The following TAMALIN variants were observed in gnomAD, a reference collection of about 807,000 sequenced individuals.
The protein encoded by TAMALIN is protein TAMALIN.
Under a neutral mutation model 38.5 loss-of-function variants are expected in TAMALIN, and 9 were observed. That is an observed-to-expected ratio of 0.23 (90% CI 0.14 to 0.41). The LOEUF is 0.41. Among genes scored for constraint, TAMALIN ranks in the 10% least tolerant of loss-of-function variants. TAMALIN has a pLI of 1.00. For missense variants in TAMALIN, 548 were observed against 554.1 expected, an observed-to-expected ratio of 0.99 and a Z score of 0.11; for synonymous variants, 306 against 256.5, an observed-to-expected ratio of 1.19 and a Z score of -1.85.
chr12:52,013,763 G>C lies in TAMALIN; in HGVS notation c.531G>C (p.Ala177=). Residue 177 remains alanine (A), a synonymous_variant, in exon 5 of 8, where the codon GCG becomes GCC. Coordinates refer to ENST00000293662, the MANE Select transcript of TAMALIN (RefSeq NM_181711.4). The part of the protein sequence containing the change: ...RHREIVDIIK[A]SGNVLRLETL... Reference sequence around the variant, plus strand: ...GAGAGATTGTGGACATCATTAAGGCGTCAGGCAATGTTCTCAGGTATGTCT... The same window carrying C: ...GAGAGATTGTGGACATCATTAAGGCCTCAGGCAATGTTCTCAGGTATGTCT... The C allele has an allele frequency of 6.2e-7, 1 of 1,614,116 alleles. No homozygotes were observed. The highest frequency in any genetic ancestry group is 8.5e-7 in the Non-Finnish European group (1 of 1,179,990).
rs751938031 is a variant in TAMALIN, at chr12:52,015,238, G to A, written c.*39G>A. On this transcript the variant is annotated 3_prime_UTR_variant, in exon 8 of 8. Transcript: ENST00000293662. ...CAGGGAGGTATTTATTTATTTATTC[G>A]CAACAGCCAGCGCTAAAAGAGGGGG... 1 of 1,544,588 alleles carries A rather than the reference G, an allele frequency of 6.5e-7. No individual in the cohort carries two copies. Among genetic ancestry groups the A allele is most frequent in the Admixed American group, 1.9e-5 (1 of 54,000 alleles).
rs1942428065 is a variant in TAMALIN at position 52,007,274 on chromosome 12, C to G, written c.246+9C>G. The G allele has an allele frequency of 7.1e-7, 1 of 1,400,444 alleles. No individual in the cohort carries two copies. Among genetic ancestry groups the G allele is most frequent in the Non-Finnish European group, 9.3e-7 (1 of 1,080,524 alleles). 86.8% of individuals were successfully genotyped at this position (1,400,444 alleles called of 1,614,324 possible). ...CCCTGCCCCGCCGAAAGGTGCGTCC[C>G]CCGCCCGCCTTCAGGATCTGCTCAG... On this transcript the variant is annotated intron_variant, in intron 1 of 7. Transcript: ENST00000293662. This position sits in a 1 kb window ranked among gnomAD's most constrained non-coding sequence, Gnocchi z 6.7.
chr12:52,012,618 T>A (rs576027791), intron 4 of TAMALIN, among the ~76,000 whole-genome samples: 7 of 152,230 alleles, frequency 4.6e-5, no homozygotes, highest in Non-Finnish European at 7.3e-5. Context: ...AGCCTCAACA[T>A]GAGTTTTGGG....
At position 52,007,975 on chromosome 12, in the gene TAMALIN, C is replaced by A; in HGVS notation, c.246+710C>A. On this transcript the variant is annotated intron_variant, in intron 1 of 7. Coordinates refer to ENST00000293662, the MANE Select transcript of TAMALIN (RefSeq NM_181711.4). This position sits in a 1 kb window ranked among gnomAD's most constrained non-coding sequence, Gnocchi z 6.7. ...GCCCCAGGAGACCTGAGGCTCAGAA[C>A]CTACACAACACCAGGTTAAGAAGAG... 1 of 985,474 alleles carries A rather than the reference C, an allele frequency of 1.0e-6. No individual in the cohort carries two copies. Among genetic ancestry groups the A allele is most frequent in the South Asian group, 4.7e-5 (1 of 21,292 alleles). The allele number at this position is 985,474 out of a possible 1,614,324, so 61.0% of individuals were successfully genotyped here.
Position 52,006,955 on chromosome 12 carries a change from C to G in TAMALIN, c.-65C>G, listed in dbSNP as rs1942420391. 2 of 1,305,318 alleles carry G rather than the reference C, an allele frequency of 1.5e-6. No homozygotes were observed. The highest frequency in any genetic ancestry group is 4.4e-5 in the South Asian group (2 of 45,908). 80.9% of individuals were successfully genotyped at this position (1,305,318 alleles called of 1,614,324 possible). On this transcript the variant is annotated 5_prime_UTR_variant, in exon 1 of 8. Coordinates refer to ENST00000293662, the MANE Select transcript of TAMALIN (RefSeq NM_181711.4). Reference sequence around the variant, plus strand: ...CGCGGCCCGCCCGGCTGGCATCCCCCAGCCGCCGCCAGCCCCGCCGAGGGG... The same window carrying G: ...CGCGGCCCGCCCGGCTGGCATCCCCGAGCCGCCGCCAGCCCCGCCGAGGGG...
Position 52,011,152 on chromosome 12 carries a change from A to G in TAMALIN, c.454+11A>G. ...CTGGGCTCACACCAGGTGGGGCCTG[A>G]GCCCAGGACACCCAGGTCTGGGAAG... On this transcript the variant is annotated intron_variant, in intron 4 of 7. Transcript: ENST00000293662. This position sits in a 1 kb window ranked among gnomAD's most constrained non-coding sequence, Gnocchi z 5.3. The G allele has an allele frequency of 6.2e-7, 1 of 1,610,470 alleles. No individual in the cohort carries two copies. The highest frequency in any genetic ancestry group is 8.5e-7 in the Non-Finnish European group (1 of 1,179,980).
At chr12:52,014,599 G>C (rs1221078127) in intron 7 of TAMALIN, 95 bp from the exon 8 acceptor site, 9 of 922,362 alleles carry the variant, frequency 9.8e-6, no homozygotes, top group Non-Finnish European at 1.4e-5. Flanking sequence ...TCAGCAGGAC[G>C]GAGCGGGGAC....
rs749023120 is a variant in TAMALIN at position 52,015,145 on chromosome 12, C to A, written c.1134C>A (p.Leu378=). Residue 378 remains leucine (L), a synonymous_variant, in exon 8 of 8, where the codon CTC becomes CTA. Transcript: ENST00000293662. ...ACCGCAGCTTCCGCCGGCGGCTGCTCAAGTTCATCCCCGGACTCAACCGCT... is the reference window on the plus strand; with the variant it reads ...ACCGCAGCTTCCGCCGGCGGCTGCTAAAGTTCATCCCCGGACTCAACCGCT... ...TKYRSFRRRL[L]KFIPGLNRSL... is the part of the protein sequence containing the mutation. 18 of 1,594,418 alleles carry A rather than the reference C, an allele frequency of 1.1e-5. No individual in the cohort carries two copies. In the Admixed American group the frequency reaches 2.2e-4, roughly 19 times the overall value.
rs1937634720 is a variant in TAMALIN, at chr12:52,011,121, A to G, written c.434A>G (p.Gln145Arg). The change falls in exon 4 of 8, where the codon CAG (glutamine) becomes CGG (arginine). Residue 145 changes from glutamine to arginine, a missense_variant. This residue lies in a region of TAMALIN where 415 missense variants were observed against 417.0 expected (regional missense o/e 1.00). Coordinates refer to ENST00000293662, the MANE Select transcript of TAMALIN (RefSeq NM_181711.4). This position sits in a 1 kb window ranked among gnomAD's most constrained non-coding sequence, Gnocchi z 5.3. ...VCRVHESSPA[Q>R]LAGLTPGDTI... The stretch of plus-strand genomic sequence containing the variant: ...CGAGTTCATGAGTCTAGCCCTGCCC[A>G]GCTGGCTGGGCTCACACCAGGTGGG... The G allele has an allele frequency of 1.2e-6, 2 of 1,612,264 alleles. No individual in the cohort carries two copies. Among genetic ancestry groups the G allele is most frequent in the East Asian group, 4.5e-5 (2 of 44,880 alleles).
rs565772368 is a variant in TAMALIN, at chr12:52,014,573, A to G, written c.683-121A>G. ...TAGGGTCTCAGGTTTGTGCCTGGCCAGGGCCACAGAGATGGTCAGCAGGAC... is the reference window on the plus strand; with the variant it reads ...TAGGGTCTCAGGTTTGTGCCTGGCCGGGGCCACAGAGATGGTCAGCAGGAC... On this transcript the variant is annotated intron_variant, in intron 7 of 7. Coordinates refer to ENST00000293662, the MANE Select transcript of TAMALIN (RefSeq NM_181711.4). The G allele has an allele frequency of 1.3e-4, 98 of 746,384 alleles. 1 individual carries two copies. In the African/African-American group the frequency reaches 1.6e-3, roughly 12 times the overall value. The allele number at this position is 746,384 out of a possible 1,614,324, so 46.2% of individuals were successfully genotyped here.
chr12:52,008,597 C>G, intron 1 of TAMALIN: 1 of 985,426 alleles, frequency 1.0e-6, no homozygotes. Context: ...CTTGAAACGG[C>G]CTGTACCTTA....
intron 4 of TAMALIN, among the ~76,000 whole-genome samples, chr12:52,012,542 C>T (rs150208816): frequency 4.6e-5 from 7 of 152,318 alleles, no homozygotes; most frequent in African/African-American, 1.2e-4. Flanking sequence ...GTGTGAGCCA[C>T]GGCGCTCGGC....
chr12:52,009,239 G>C lies in TAMALIN; in HGVS notation c.296G>C (p.Arg99Pro). 1 of 1,613,860 alleles carries C rather than the reference G, an allele frequency of 6.2e-7. No homozygotes were observed. The highest frequency in any genetic ancestry group is 8.5e-7 in the Non-Finnish European group (1 of 1,179,920). The change falls in exon 2 of 8, where the codon CGG becomes CCG. Residue 99 changes from arginine (R) to proline (P), a missense_variant and splice_region_variant. Coordinates refer to ENST00000293662, the MANE Select transcript of TAMALIN (RefSeq NM_181711.4). ...KNLSQSPEQQRKVLTLEKEDN... is the reference protein window; with the variant it reads ...KNLSQSPEQQPKVLTLEKEDN... ...CTCAGCCAGAGTCCTGAACAGCAGC[G>C]GTGAGTCACCAACACCCAGCCCCTG...
intron 6 of TAMALIN, 61 bp downstream of exon 6, chr12:52,014,004 G>A (rs1320538202): frequency 6.3e-7 from 1 of 1,579,348 alleles, no homozygotes; most frequent in Non-Finnish European, 8.7e-7. Flanking sequence ...CTGCCCTGTG[G>A]GGGGTCACTT....
chr12:52,010,772 G>C, intron 2 of TAMALIN, 109 bp from the exon 3 acceptor site: 1 of 1,188,040 alleles, frequency 8.4e-7, no homozygotes, highest in Non-Finnish European at 1.3e-6. Context: ...ACTGGAGACA[G>C]AGTCCTGCTG....
chr12:52,010,985 G>A (rs763312702), intron 3 of TAMALIN, 50 bp downstream of exon 3: 2 of 1,613,916 alleles, frequency 1.2e-6, no homozygotes, highest in Non-Finnish European at 1.7e-6. Flanking sequence ...ACCAGCCTGA[G>A]GGATGAACGG....
chr12:52,007,387 G>T lies in TAMALIN; in HGVS notation c.246+122G>T. On this transcript the variant is annotated intron_variant, in intron 1 of 7. Coordinates refer to ENST00000293662, the MANE Select transcript of TAMALIN (RefSeq NM_181711.4). This position sits in a 1 kb window ranked among gnomAD's most constrained non-coding sequence, Gnocchi z 6.7. ...AGTCCCCCACCTTCTTCCCCGGCCC[G>T]CTGGGTGCCTCGACTCCCCGCGTTC... The T allele has an allele frequency of 3.2e-6, 4 of 1,268,540 alleles. No homozygotes were observed. The highest frequency in any genetic ancestry group is 3.0e-6 in the Non-Finnish European group (3 of 1,008,046). 78.6% of individuals were successfully genotyped at this position (1,268,540 alleles called of 1,614,324 possible).
At position 52,014,683 on chromosome 12, in the gene TAMALIN, T is replaced by C; in HGVS notation, c.683-11T>C. On this transcript the variant is annotated splice_polypyrimidine_tract_variant and intron_variant, in intron 7 of 7. Transcript: ENST00000293662. ...CCTGACCCGCCCCCTACCTCTCCCG[T>C]CTCTGCGCAGGCCTGGTGGTGAAGG... 6.8e-7 allele frequency: 1 copy of C among 1,477,156 alleles called. No individual in the cohort carries two copies. The highest frequency in any genetic ancestry group is 8.9e-7 in the Non-Finnish European group (1 of 1,127,234). The allele number at this position is 1,477,156 out of a possible 1,614,324, so 91.5% of individuals were successfully genotyped here.
rs1384214088 is a variant in TAMALIN, at chr12:52,011,180, G to A, written c.454+39G>A. ...CCAGGACACCCAGGTCTGGGAAGGG[G>A]ATATGACCTTACTCCCAAGCAAAGG... is the stretch of plus-strand genomic sequence containing the variant. On this transcript the variant is annotated intron_variant, in intron 4 of 7. Transcript: ENST00000293662. This position sits in a 1 kb window ranked among gnomAD's most constrained non-coding sequence, Gnocchi z 5.3. The A allele has an allele frequency of 1.2e-6, 2 of 1,606,174 alleles. No homozygotes were observed. The highest frequency in any genetic ancestry group is 1.7e-6 in the Non-Finnish European group (2 of 1,179,862).
Sources: allele counts gnomAD v4.1 joint callset (sites outside exome capture counted in the v4.1 genomes callset), GRCh38; gene constraint gnomAD v4.1.1; regional missense constraint gnomAD v4.1.1; non-coding constraint Gnocchi (gnomAD v3.1); transcripts MANE v1.5; gene names NCBI Gene and HGNC (gene_info 2026-07-23, HGNC 2026-07-21).